HIVEP1: variants seen among roughly 807,000 people sequenced by gnomAD.
The protein encoded by HIVEP1 is zinc finger protein 40.
In HIVEP1, 36 loss-of-function variants were observed where a neutral mutation model predicts 180.0. The observed-to-expected ratio is 0.20, with a 90% CI of 0.15 to 0.26. HIVEP1 has a LOEUF of 0.26. HIVEP1 is among the 10% of genes least tolerant of loss of function. The pLI is 1.00. For missense variants in HIVEP1, 3,143 were observed against 3,268.7 expected (o/e 0.96, Z 0.94); for synonymous variants, 1,239 against 1,239.0 (o/e 1.00, Z 0.00).
chr6:12,137,656 A>G (rs1166532783), intron 7 of HIVEP1, among the ~76,000 whole-genome samples: 2 of 151,938 alleles, frequency 1.3e-5, no homozygotes, highest in Non-Finnish European at 2.9e-5. Flanking sequence ...GAAGTAGAAC[A>G]CAGAGGTGGA....
rs76729586 is a variant in HIVEP1, at chr6:12,049,419, G to T, written c.40+33751G>T. The stretch of plus-strand genomic sequence containing the variant: ...TTTAACCCCTCAGGGAGCTTGTGGC[G>T]TGACAGCACTGGCTTTCTGTGTTCG... On this transcript the variant is annotated intron_variant, in intron 2 of 8. Coordinates refer to ENST00000379388, the MANE Select transcript of HIVEP1 (RefSeq NM_002114.4). Among the ~76,000 whole-genome samples, 39 of 152,272 alleles carry T rather than the reference G, an allele frequency of 2.6e-4. No homozygotes were observed. The East Asian group carries it at 6.2e-3, about 24-fold the overall frequency.
Position 12,119,873 on chromosome 6 carries a change from G to A in HIVEP1, c.95-17G>A. On this transcript the variant is annotated splice_polypyrimidine_tract_variant and intron_variant, in intron 3 of 8. Transcript: ENST00000379388. ...ACAATGTTACCAATTGTTTGTTGTT[G>A]TTGTTGTTTTTTCCAGAAATCTTAC... 6.7e-7 allele frequency: 1 copy of A among 1,486,750 alleles called. No homozygotes were observed. The highest frequency in any genetic ancestry group is 9.1e-7 in the Non-Finnish European group (1 of 1,104,266). 92.1% of individuals were successfully genotyped at this position (1,486,750 alleles called of 1,614,324 possible).
At chr6:12,135,482 C>T (rs1758651743) in intron 6 of HIVEP1, among the ~76,000 whole-genome samples, 3 of 151,908 alleles carry the variant, frequency 2.0e-5, no homozygotes, top group Non-Finnish European at 4.4e-5. Context: ...GTAGTCTGAA[C>T]GGGACTTTAA....
intron 2 of HIVEP1, among the ~76,000 whole-genome samples, chr6:12,065,973 C>T (rs1418793674): frequency 6.6e-6 from 1 of 151,948 alleles, no homozygotes; most frequent in Non-Finnish European, 1.5e-5. Flanking sequence ...TGCGAGGGTG[C>T]GGCTGTGAGT....
At chr6:12,169,501 TA>T (rs1222749746), downstream of HIVEP1, among the ~76,000 whole-genome samples, 4 of 152,058 alleles carry the variant, frequency 2.6e-5, no homozygotes, top group Non-Finnish European at 5.9e-5. Context: ...CAAAAGAAAT[TA>T]GAAGGTACAG....
intron 7 of HIVEP1, among the ~76,000 whole-genome samples, chr6:12,158,266 T>G (rs771260992): frequency 6.6e-6 from 1 of 152,160 alleles, no homozygotes; most frequent in Non-Finnish European, 1.5e-5. Flanking sequence ...CTAGAGGCCT[T>G]TAGTGTGGGA....
At chr6:12,136,745 T>A (rs1374864177) in intron 7 of HIVEP1, among the ~76,000 whole-genome samples, 5 of 152,196 alleles carry the variant, frequency 3.3e-5, no homozygotes, top group South Asian at 2.1e-4. Context: ...TGTTTTTTTT[T>A]AAAAGGTGTT....
intron 2 of HIVEP1, among the ~76,000 whole-genome samples, chr6:12,067,475 T>G (rs977228684): frequency 1.3e-5 from 2 of 151,662 alleles, no homozygotes; most frequent in Non-Finnish European, 3.0e-5. Context: ...ACAATGTAGT[T>G]AATTTTAAAG....
At chr6:12,052,529 T>C (rs1770608205) in intron 2 of HIVEP1, among the ~76,000 whole-genome samples, 1 of 152,230 alleles carries the variant, frequency 6.6e-6, no homozygotes, top group African/African-American at 2.4e-5. Flanking sequence ...CTAACATACA[T>C]TGAGTATCTA....
At position 12,123,715 on chromosome 6, in the gene HIVEP1, G is replaced by A; in HGVS notation, c.3920G>A (p.Ser1307Asn). 1 of 1,614,058 alleles carries A rather than the reference G, an allele frequency of 6.2e-7. No homozygotes were observed. The highest frequency in any genetic ancestry group is 2.2e-5 in the East Asian group (1 of 44,892). ...GATTCCACTCTCTCCAGGAGTCTAAGTAGGGAGAGCAGTTTATCTCACACT... is the reference window on the plus strand; with the variant it reads ...GATTCCACTCTCTCCAGGAGTCTAAATAGGGAGAGCAGTTTATCTCACACT... ...SFDSTLSRSL[S>N]RESSLSHTSS... Residue 1307 changes from serine (S) to asparagine (N), a missense_variant, in exon 4 of 9, where the codon AGT (serine) becomes AAT (asparagine). Physicochemically the swap from Ser to Asn is conservative, Grantham distance 46. This residue lies in a region of HIVEP1 where 1,357 missense variants were observed against 1,260.5 expected (regional missense o/e 1.08). Coordinates refer to ENST00000379388, the MANE Select transcript of HIVEP1 (RefSeq NM_002114.4).
At chr6:12,011,453 C>A (rs1767295116), upstream of HIVEP1, among the ~76,000 whole-genome samples, 2 of 151,552 alleles carry the variant, frequency 1.3e-5, no homozygotes, top group Admixed American at 1.3e-4. Flanking sequence ...CTGAGCGACC[C>A]CGCCAGGCCT....
At chr6:12,201,616 T>G in the HIVEP1 span, among the ~76,000 whole-genome samples, 4 of 152,266 alleles carry the variant, frequency 2.6e-5, no homozygotes, top group Non-Finnish European at 4.4e-5. Flanking sequence ...ACCAATGACT[T>G]GAGAAGCTGC....
the HIVEP1 span, among the ~76,000 whole-genome samples, chr6:12,193,191 T>G: frequency 6.6e-6 from 1 of 152,238 alleles, no homozygotes; most frequent in African/African-American, 2.4e-5. Context: ...AGTTTTTCAT[T>G]ATTATAATTT....
chr6:12,157,341 T>A lies in HIVEP1; in HGVS notation c.6488-4098T>A, dbSNP rs958987622. 2.6e-5 allele frequency among the ~76,000 whole-genome samples: 4 copies of A among 152,222 alleles called. No homozygotes were observed. In the East Asian group the frequency reaches 7.7e-4, roughly 29 times the overall value. The stretch of plus-strand genomic sequence containing the variant: ...TTATTTGTGTAATTGGATTAAAATG[T>A]ACCATATTGGCAACCGTTTTCTGTT... On this transcript the variant is annotated intron_variant, in intron 7 of 8. Coordinates refer to ENST00000379388, the MANE Select transcript of HIVEP1 (RefSeq NM_002114.4).
chr6:12,178,874 G>A, the HIVEP1 span, among the ~76,000 whole-genome samples: 17 of 152,120 alleles, frequency 1.1e-4, no homozygotes, highest in Non-Finnish European at 1.8e-4. Flanking sequence ...CTGAATAAAC[G>A]ACAGTATTTT....
chr6:12,194,270 C>T, the HIVEP1 span, among the ~76,000 whole-genome samples: 1 of 151,760 alleles, frequency 6.6e-6, no homozygotes, highest in African/African-American at 2.4e-5. Context: ...CTACCATTGG[C>T]CAGCACAGGT....
At chr6:12,040,373 T>C (rs1769598484) in intron 2 of HIVEP1, among the ~76,000 whole-genome samples, 1 of 152,218 alleles carries the variant, frequency 6.6e-6, no homozygotes, top group Non-Finnish European at 1.5e-5. Context: ...ATGTGAAGCA[T>C]TGTTGATCTG....
At chr6:12,151,983 C>T (rs757341873) in intron 7 of HIVEP1, among the ~76,000 whole-genome samples, 11 of 152,034 alleles carry the variant, frequency 7.2e-5, no homozygotes, top group Admixed American at 1.3e-4. Flanking sequence ...TGGTGAAACC[C>T]CATCTCTACT....
intron 7 of HIVEP1, among the ~76,000 whole-genome samples, chr6:12,156,977 T>A (rs1357207816): frequency 3.9e-5 from 6 of 152,214 alleles, no homozygotes; most frequent in African/African-American, 1.4e-4. Flanking sequence ...TTTTTCAGTT[T>A]CCGCTCCTTT....
Sources: gnomAD v4.1 joint callset for allele counts (sites outside exome capture counted in the v4.1 genomes callset) on GRCh38, gnomAD v4.1.1 for gene constraint, gnomAD v4.1.1 regional missense constraint, MANE v1.5 for transcripts, NCBI Gene and HGNC (gene_info 2026-07-23, HGNC 2026-07-21) for gene names.